Variants in PTPRD observed in about 807,000 individuals in gnomAD.
PTPRD encodes the protein receptor-type tyrosine-protein phosphatase delta.
PTPRD carries 34 observed loss-of-function variants against 214.5 expected under a neutral mutation model. The observed-to-expected ratio is 0.16, with a 90% confidence interval of 0.12 to 0.21. The LOEUF (loss-of-function observed/expected upper bound fraction) is 0.21. Among genes scored for constraint, PTPRD ranks in the 10% least tolerant of loss-of-function variants. PTPRD has a pLI of 1.00. For missense variants in PTPRD, 2,545 were observed against 2,398.7 expected (o/e 1.06, Z -1.27); for synonymous variants, 1,128 against 845.7 (o/e 1.33, Z -5.79).
At chr9:9,885,889 G>C (rs889982395) in intron 5 of PTPRD, among the ~76,000 whole-genome samples, 15 of 151,332 alleles carry the variant, frequency 9.9e-5, no homozygotes, top group Non-Finnish European at 2.2e-4. Flanking sequence ...AAAAAGAAGA[G>C]AAGGGCCTAT....
At chr9:9,364,757 CT>C (rs1052218195) in intron 9 of PTPRD, among the ~76,000 whole-genome samples, 1 of 151,382 alleles carries the variant, frequency 6.6e-6, no homozygotes, top group African/African-American at 2.4e-5. Flanking sequence ...TGGCTTTATT[CT>C]TAGTGAGATA....
At chr9:10,393,361 A>G (rs1390919218) in intron 2 of PTPRD, among the ~76,000 whole-genome samples, 1 of 151,792 alleles carries the variant, frequency 6.6e-6, no homozygotes, top group Non-Finnish European at 1.5e-5. Context: ...GTATGAGTAC[A>G]TATTTCTTAT....
At chr9:9,346,855 G>C (rs2049011738) in intron 9 of PTPRD, among the ~76,000 whole-genome samples, 3 of 151,970 alleles carry the variant, frequency 2.0e-5, no homozygotes. Flanking sequence ...ACCAAGCCTA[G>C]CTAATTCTTG....
rs2081289346 is a variant in PTPRD, at chr9:10,612,414, GTCC to G, written c.-619_-617del. Reference sequence around the variant, plus strand: ...TTTACTTACTAAAGCAGCCGCTCCAGTCCTCCTTGGAAACCCTGAGGAGTCTTC... The same window carrying G: ...TTTACTTACTAAAGCAGCCGCTCCAGTCCTTGGAAACCCTGAGGAGTCTTC... On this transcript the variant is annotated 5_prime_UTR_variant, in exon 2 of 46. Transcript: ENST00000381196. 1.3e-5 allele frequency: 2 copies of G among 152,352 alleles called. No homozygotes were observed. Among genetic ancestry groups the G allele is most frequent in the South Asian group, 4.1e-4 (2 of 4,826 alleles). The allele number at this position is 152,352 out of a possible 1,614,324, so 9.4% of individuals were successfully genotyped here.
At chr9:10,475,750 T>C (rs1212812821) in intron 2 of PTPRD, among the ~76,000 whole-genome samples, 1 of 152,020 alleles carries the variant, frequency 6.6e-6, no homozygotes, top group Admixed American at 6.6e-5. Context: ...GCAAATCAAA[T>C]CCAGCAGCAA....
intron 3 of PTPRD, among the ~76,000 whole-genome samples, chr9:10,254,720 T>C (rs941235087): frequency 6.6e-6 from 1 of 152,186 alleles, no homozygotes; most frequent in African/African-American, 2.4e-5. Context: ...GATATCCTTC[T>C]AAACACATAC....
chr9:8,345,711 A>G (rs1856927627), intron 39 of PTPRD, among the ~76,000 whole-genome samples: 1 of 152,142 alleles, frequency 6.6e-6, no homozygotes, highest in Admixed American at 6.6e-5. Context: ...GTAACAGGGT[A>G]GAATTCCTAC....
chr9:10,451,906 TA>T (rs201363146), intron 2 of PTPRD, among the ~76,000 whole-genome samples: 1,806 of 152,100 alleles, frequency 0.012, 32 homozygotes, highest in African/African-American at 0.039. Context: ...TTAAAGGTAT[TA>T]TTTTCGAATT....
intron 7 of PTPRD, among the ~76,000 whole-genome samples, chr9:9,702,932 A>G (rs2097531234): frequency 1.3e-5 from 2 of 152,148 alleles, no homozygotes; most frequent in Non-Finnish European, 2.9e-5. Context: ...GGATCTATAT[A>G]TGAGTCTAGA....
intron 3 of PTPRD, among the ~76,000 whole-genome samples, chr9:10,334,461 A>G (rs1175981487): frequency 6.6e-6 from 1 of 151,476 alleles, no homozygotes; most frequent in Non-Finnish European, 1.5e-5. Flanking sequence ...TACTGAAAAC[A>G]TCACATTGGT....
rs2066599657 is a variant in PTPRD, at chr9:9,875,511, C to T, written c.-368+62996G>A. Among the ~76,000 whole-genome samples the T allele has an allele frequency of 3.9e-5, 6 of 152,056 alleles. No homozygotes were observed. The South Asian group carries it at 1.2e-3, about 31-fold the overall frequency. On this transcript the variant is annotated intron_variant, in intron 5 of 45. Coordinates refer to ENST00000381196, the MANE Select transcript of PTPRD (RefSeq NM_002839.4). ...TACACTGCCTTCTTATTTTACTTTG[C>T]ATATGCTTTACTCTCAGGACCACCA...
At position 8,504,394 on chromosome 9, in the gene PTPRD, G is replaced by T; in HGVS notation, c.1689C>A (p.Thr563=). ...GCCTATATGATGTCCCTGGCTCAAT[G>T]GTAATTCGTTGCTGGAAGCAATAAG... ...DGEHGEEQRI[T]IEPGTSYRLQ... is the part of the protein sequence containing the mutation. The change falls in exon 23 of 46, where the codon ACC becomes ACA. Residue 563 remains threonine, a synonymous_variant. Transcript: ENST00000381196. 6.2e-7 allele frequency: 1 copy of T among 1,614,036 alleles called. No homozygotes were observed. Among genetic ancestry groups the T allele is most frequent in the African/African-American group, 1.3e-5 (1 of 75,032 alleles).
intron 8 of PTPRD, among the ~76,000 whole-genome samples, chr9:9,532,708 G>A (rs1238768304): frequency 6.6e-6 from 1 of 152,112 alleles, no homozygotes; most frequent in Non-Finnish European, 1.5e-5. Flanking sequence ...ATAACAGATG[G>A]ATGATTAGTG....
At chr9:9,637,649 C>T (rs932018227) in intron 7 of PTPRD, among the ~76,000 whole-genome samples, 3 of 152,200 alleles carry the variant, frequency 2.0e-5, no homozygotes, top group Non-Finnish European at 4.4e-5. Context: ...GAAATGCATG[C>T]CTGAGGCCTT....
intron 7 of PTPRD, among the ~76,000 whole-genome samples, chr9:9,728,447 A>G (rs2098130181): frequency 6.6e-6 from 1 of 152,186 alleles, no homozygotes; most frequent in Non-Finnish European, 1.5e-5. Flanking sequence ...TTAACTAATT[A>G]GCTGTTGTAG....
chr9:9,559,783 A>G lies in PTPRD; in HGVS notation c.-237+14949T>C, dbSNP rs576412206. Reference sequence around the variant, plus strand: ...GTCCAGCAAGTCTGTGACAGACCGTACAGCTGCCAACCCATGAAAAACATC... The same window carrying G: ...GTCCAGCAAGTCTGTGACAGACCGTGCAGCTGCCAACCCATGAAAAACATC... On this transcript the variant is annotated intron_variant, in intron 8 of 45. Transcript: ENST00000381196. Among the ~76,000 whole-genome samples the G allele has an allele frequency of 1.4e-4, 21 of 152,306 alleles. 1 individual carries two copies. The South Asian group carries it at 4.1e-3, about 30-fold the overall frequency.
chr9:10,127,354 C>T (rs1051396895), intron 3 of PTPRD, among the ~76,000 whole-genome samples: 1 of 152,050 alleles, frequency 6.6e-6, no homozygotes, highest in African/African-American at 2.4e-5. Context: ...GAAAATAATG[C>T]CTTTTAATTC....
At chr9:10,507,633 G>T (rs1361529351) in intron 2 of PTPRD, among the ~76,000 whole-genome samples, 3 of 152,100 alleles carry the variant, frequency 2.0e-5, no homozygotes, top group African/African-American at 7.2e-5. Flanking sequence ...AGAGCCCTCA[G>T]AAATAATATC....
rs367944112 is a variant in PTPRD, at chr9:8,681,609, G to C, written c.65-44765C>G. On this transcript the variant is annotated intron_variant, in intron 12 of 45. Coordinates refer to ENST00000381196, the MANE Select transcript of PTPRD (RefSeq NM_002839.4). Reference sequence around the variant, plus strand: ...GCTTAGGAGAAGCTTCTCCAACCAAGATCAGGTTAGCAGCAGAAGAAAGTG... The same window carrying C: ...GCTTAGGAGAAGCTTCTCCAACCAACATCAGGTTAGCAGCAGAAGAAAGTG... Among the ~76,000 whole-genome samples, 30 of 152,250 alleles carry C rather than the reference G, an allele frequency of 2.0e-4. No homozygotes were observed. In the South Asian group the frequency reaches 5.4e-3, roughly 27 times the overall value.
Sources: gnomAD v4.1 joint callset for allele counts (sites outside exome capture counted in the v4.1 genomes callset) on GRCh38, gnomAD v4.1.1 for gene constraint, MANE v1.5 for transcripts, NCBI Gene and HGNC (gene_info 2026-07-23, HGNC 2026-07-21) for gene names.